Variants in DPP10 observed in about 807,000 individuals in gnomAD.
The protein encoded by DPP10 is inactive dipeptidyl peptidase 10.
DPP10 carries 33 observed loss-of-function variants against 120.9 expected under a neutral mutation model. That is an observed-to-expected ratio of 0.27 (90% CI 0.21 to 0.37). The LOEUF is 0.37. Among genes scored for constraint, DPP10 ranks in the 10% least tolerant of loss-of-function variants. DPP10 has a pLI of 1.00. For missense variants in DPP10, 816 were observed against 942.8 expected (o/e 0.87, Z 1.76); for synonymous variants, 337 against 326.1 (o/e 1.03, Z -0.36).
At chr2:115,164,963 T>C (rs1322138249) in intron 1 of DPP10, among the ~76,000 whole-genome samples, 1 of 152,234 alleles carries the variant, frequency 6.6e-6, no homozygotes, top group Non-Finnish European at 1.5e-5. Flanking sequence ...GATTACAAAA[T>C]ATTTATGACA....
chr2:114,977,869 A>G (rs554984982), intron 1 of DPP10, among the ~76,000 whole-genome samples: 1 of 147,860 alleles, frequency 6.8e-6, no homozygotes, highest in African/African-American at 2.5e-5. Flanking sequence ...TTTGATTGCC[A>G]CTTTTTGATG....
intron 1 of DPP10, among the ~76,000 whole-genome samples, chr2:114,812,676 T>A (rs1283595058): frequency 6.6e-6 from 1 of 152,048 alleles, no homozygotes; most frequent in South Asian, 2.1e-4. Flanking sequence ...TCTGTATCTC[T>A]ACAGCTTCCT....
intron 1 of DPP10, among the ~76,000 whole-genome samples, chr2:114,697,611 A>G (rs1391797214): frequency 1.3e-5 from 2 of 151,922 alleles, no homozygotes; most frequent in Non-Finnish European, 2.9e-5. Context: ...TTAGCCAGGC[A>G]TGGTGGCAGG....
At chr2:114,907,968 A>G (rs1183814556) in intron 1 of DPP10, among the ~76,000 whole-genome samples, 1 of 151,964 alleles carries the variant, frequency 6.6e-6, no homozygotes, top group East Asian at 1.9e-4. Flanking sequence ...TTTTTTAAAT[A>G]TAATTTTGGC....
chr2:115,644,583 C>A (rs2087071321), intron 5 of DPP10, among the ~76,000 whole-genome samples: 1 of 150,602 alleles, frequency 6.6e-6, no homozygotes, highest in South Asian at 2.1e-4. Flanking sequence ...CCAGCCTGGG[C>A]AGCGTAGAGA....
chr2:114,783,108 G>T (rs1486899518), intron 1 of DPP10, among the ~76,000 whole-genome samples: 1 of 152,066 alleles, frequency 6.6e-6, no homozygotes, highest in African/African-American at 2.4e-5. Context: ...TTTAACAAGG[G>T]TTTAAAGATA....
chr2:114,918,523 T>A (rs969527993), intron 1 of DPP10, among the ~76,000 whole-genome samples: 1 of 152,116 alleles, frequency 6.6e-6, no homozygotes, highest in Non-Finnish European at 1.5e-5. Context: ...CCTTTCACAG[T>A]AGCAGGGACA....
chr2:114,532,638 T>A (rs1686125880), intron 1 of DPP10, among the ~76,000 whole-genome samples: 1 of 152,168 alleles, frequency 6.6e-6, no homozygotes, highest in Non-Finnish European at 1.5e-5. Flanking sequence ...TATGATATTA[T>A]CAACAGTGTA....
intron 1 of DPP10, among the ~76,000 whole-genome samples, chr2:114,478,785 T>C (rs1386632958): frequency 1.3e-5 from 2 of 152,124 alleles, no homozygotes; most frequent in Non-Finnish European, 2.9e-5. Flanking sequence ...ACTGTGAACA[T>C]ACAACAATCA....
At chr2:115,003,026 A>C (rs1292496068) in intron 1 of DPP10, among the ~76,000 whole-genome samples, 1 of 151,952 alleles carries the variant, frequency 6.6e-6, no homozygotes, top group African/African-American at 2.4e-5. Flanking sequence ...TACTCAAAGG[A>C]CTACATATTG....
chr2:115,774,209 T>TACACACACACACACACACACACACACAC (rs3069387), intron 13 of DPP10, among the ~76,000 whole-genome samples: 1 of 147,522 alleles, frequency 6.8e-6, no homozygotes, highest in African/African-American at 2.5e-5. Context: ...AAAACACACA[T>TACACACACACACACACACACACACACAC]ACACACACAC....
At chr2:115,608,246 C>G (rs1339180432) in intron 5 of DPP10, among the ~76,000 whole-genome samples, 1 of 151,914 alleles carries the variant, frequency 6.6e-6, no homozygotes, top group Non-Finnish European at 1.5e-5. Context: ...AAATATTAGA[C>G]AGGCATGGTG....
At chr2:115,460,266 T>A (rs1026878906) in intron 3 of DPP10, among the ~76,000 whole-genome samples, 2 of 152,110 alleles carry the variant, frequency 1.3e-5, no homozygotes, top group Non-Finnish European at 2.9e-5. Context: ...ACATTTTTCA[T>A]AACGACCTGC....
intron 7 of DPP10, among the ~76,000 whole-genome samples, chr2:115,718,743 G>C (rs561517388): frequency 5.8e-4 from 88 of 152,022 alleles, no homozygotes; most frequent in African/African-American, 1.6e-3. Context: ...TCAAGGCTCA[G>C]CACAGGGCCT....
intron 1 of DPP10, among the ~76,000 whole-genome samples, chr2:114,798,717 T>C (rs1193094529): frequency 6.6e-6 from 1 of 152,202 alleles, no homozygotes; most frequent in Non-Finnish European, 1.5e-5. Flanking sequence ...TGTTTCTTGC[T>C]CTGGATTCTG....
At chr2:114,565,281 C>G (rs1331354238) in intron 1 of DPP10, among the ~76,000 whole-genome samples, 1 of 152,166 alleles carries the variant, frequency 6.6e-6, no homozygotes, top group Non-Finnish European at 1.5e-5. Flanking sequence ...CTCAAAATGC[C>G]TGGTATAGTG....
rs749746756 is a variant in DPP10 at position 115,387,835 on chromosome 2, CG to C, written c.271+43924del. Reference sequence around the variant, plus strand: ...TCACATTATAATTTACTGGAGCTCACGTTATAATTGATGGTAATAAACAGGC... The same window carrying C: ...TCACATTATAATTTACTGGAGCTCACTTATAATTGATGGTAATAAACAGGC... On this transcript the variant is annotated intron_variant, in intron 3 of 25. Transcript: ENST00000410059. 3.3e-5 allele frequency among the ~76,000 whole-genome samples: 5 copies of C among 151,904 alleles called. No homozygotes were observed. The South Asian group carries it at 8.3e-4, about 25-fold the overall frequency.
In DPP10 at chr2:115,286,534, TATATATAA is replaced by T. The variant is rs1216617634; in HGVS notation, c.61-22703_61-22696del. Among the ~76,000 whole-genome samples the T allele has an allele frequency of 8.6e-5, 10 of 116,356 alleles. 1 individual carries two copies. In the East Asian group the frequency reaches 1.2e-3, roughly 14 times the overall value. The allele number at this position is 116,356 out of a possible 152,430, so 76.3% of individuals were successfully genotyped here. On this transcript the variant is annotated intron_variant, in intron 1 of 25. Transcript: ENST00000410059. ...ATATAATATATATATATAATATATA[TATATATAA>T]AATATATACAGAAGGCTGAGAATCA... is the stretch of plus-strand genomic sequence containing the variant.
intron 7 of DPP10, among the ~76,000 whole-genome samples, chr2:115,696,697 T>A (rs537635482): frequency 2.4e-4 from 37 of 152,288 alleles, no homozygotes; most frequent in Non-Finnish European, 4.1e-4. Context: ...TGTAAATACA[T>A]GGGCAATTAT....
Sources: gnomAD v4.1 joint callset for allele counts (sites outside exome capture counted in the v4.1 genomes callset) on GRCh38, gnomAD v4.1.1 for gene constraint, MANE v1.5 for transcripts, NCBI Gene and HGNC (gene_info 2026-07-23, HGNC 2026-07-21) for gene names.